Variants in EXOC6 observed in about 807,000 individuals in gnomAD.
The protein encoded by EXOC6 is exocyst complex component 6.
A neutral mutation model predicts 112.5 loss-of-function variants in EXOC6; 60 were observed. The observed-to-expected ratio is 0.53, with a 90% CI of 0.43 to 0.66. The LOEUF is 0.66. Ranked by LOEUF, EXOC6 falls within the 30% of genes least tolerant of loss-of-function variation. The probability of loss-of-function intolerance (pLI) is 0.00; values close to 1 mark genes in which losing one functional copy is unlikely to be tolerated. For synonymous variants in EXOC6, 295 were observed against 308.0 expected (o/e 0.96, Z 0.44); for missense variants, 855 against 957.1 (o/e 0.89, Z 1.41).
At position 92,970,624 on chromosome 10, in the gene EXOC6, A is replaced by G. The variant is rs1183940030; in HGVS notation, c.1774-3429A>G. On this transcript the variant is annotated intron_variant, in intron 17 of 21. Coordinates refer to ENST00000260762, the MANE Select transcript of EXOC6 (RefSeq NM_019053.6). ...ATTAACTTAAATATCTGTTTTATCT[A>G]AAGTAATGTTTATTTTTACTTTCTT... 2.6e-5 allele frequency among the ~76,000 whole-genome samples: 4 copies of G among 152,210 alleles called. No individual in the cohort carries two copies. The South Asian group carries it at 8.3e-4, about 32-fold the overall frequency.
At position 93,032,532 on chromosome 10, in the gene EXOC6, C is replaced by T. The variant is rs555320018; in HGVS notation, c.2169+18265C>T. Among the ~76,000 whole-genome samples the T allele has an allele frequency of 3.9e-5, 6 of 152,290 alleles. No individual in the cohort carries two copies. In the South Asian group the frequency reaches 1.2e-3, roughly 32 times the overall value. ...TGACCTAAAAATAGATAGCTACACA[C>T]CACTACTCCAGCAAAACTGAAAGCT... On this transcript the variant is annotated intron_variant, in intron 20 of 21. Transcript: ENST00000260762.
chr10:92,844,771 A>T (rs1318250069), upstream of EXOC6, among the ~76,000 whole-genome samples: 2 of 152,156 alleles, frequency 1.3e-5, no homozygotes, highest in African/African-American at 4.8e-5. Context: ...TTTAATCCTC[A>T]CATAATTTGG....
intron 1 of EXOC6, among the ~76,000 whole-genome samples, chr10:92,840,247 A>C (rs1396937815): frequency 1.3e-5 from 2 of 152,170 alleles, no homozygotes; most frequent in Admixed American, 6.5e-5. Context: ...ATATCTTTAT[A>C]AATGTAAGAT....
chr10:92,975,203 C>G (rs1335720675), intron 18 of EXOC6, among the ~76,000 whole-genome samples: 1 of 151,062 alleles, frequency 6.6e-6, no homozygotes, highest in African/African-American at 2.4e-5. Context: ...ATGTGGGGAG[C>G]GCCTCTGCCC....
chr10:92,997,937 A>G (rs1843569546), intron 19 of EXOC6, among the ~76,000 whole-genome samples: 2 of 152,212 alleles, frequency 1.3e-5, no homozygotes, highest in South Asian at 2.1e-4. Flanking sequence ...TCATAAATGA[A>G]TGAAATGATT....
intron 21 of EXOC6, 114 bp downstream of exon 21, chr10:93,057,150 G>T (rs1477738380): frequency 3.6e-6 from 2 of 560,348 alleles, no homozygotes; most frequent in East Asian, 3.3e-5. Flanking sequence ...GAGCTTAAAA[G>T]CTCACTCTAG....
At chr10:92,852,519 T>C (rs1353499915) in intron 1 of EXOC6, among the ~76,000 whole-genome samples, 1 of 152,182 alleles carries the variant, frequency 6.6e-6, no homozygotes, top group African/African-American at 2.4e-5. Context: ...AAAATACATC[T>C]ATATAAAAAG....
intron 18 of EXOC6, among the ~76,000 whole-genome samples, chr10:92,995,847 C>T (rs1273215563): frequency 6.6e-6 from 1 of 152,174 alleles, no homozygotes; most frequent in Non-Finnish European, 1.5e-5. Context: ...TTCCGTTTCA[C>T]ATATGCAGTT....
intron 20 of EXOC6, among the ~76,000 whole-genome samples, chr10:93,022,993 T>C (rs1844855449): frequency 6.6e-6 from 1 of 150,868 alleles, no homozygotes; most frequent in Non-Finnish European, 1.5e-5. Flanking sequence ...TTTCCTTCTT[T>C]TTTTTTTTTT....
At chr10:92,924,500 G>A (rs1389087390) in intron 8 of EXOC6, among the ~76,000 whole-genome samples, 1 of 151,992 alleles carries the variant, frequency 6.6e-6, no homozygotes, top group African/African-American at 2.4e-5. Context: ...AAGTCCAATT[G>A]TTTAATGTTT....
At chr10:93,010,675 G>C (rs914383574) in intron 19 of EXOC6, among the ~76,000 whole-genome samples, 5 of 145,830 alleles carry the variant, frequency 3.4e-5, no homozygotes, top group African/African-American at 1.3e-4. Context: ...CTCCACCCTG[G>C]ATGACAAAGC....
intron 1 of EXOC6, among the ~76,000 whole-genome samples, chr10:92,839,035 T>C (rs1564761759): frequency 6.6e-6 from 1 of 151,672 alleles, no homozygotes; most frequent in Non-Finnish European, 1.5e-5. Flanking sequence ...ATCGGGCCAC[T>C]GCACTCTGGC....
chr10:92,899,855 G>A (rs1473960969), intron 5 of EXOC6: 7 of 438,146 alleles, frequency 1.6e-5, no homozygotes, highest in East Asian at 1.1e-4. Flanking sequence ...ATGATATCAA[G>A]GATTGGTAAT....
intron 20 of EXOC6, among the ~76,000 whole-genome samples, chr10:93,037,403 G>A (rs994557213): frequency 2.0e-5 from 3 of 151,508 alleles, no homozygotes; most frequent in Admixed American, 6.6e-5. Flanking sequence ...CCCAATGTGC[G>A]GGGATTAATA....
At chr10:92,894,607 T>C (rs1849660935) in intron 2 of EXOC6, among the ~76,000 whole-genome samples, 187 bp from the exon 3 acceptor site, 2 of 152,162 alleles carry the variant, frequency 1.3e-5, no homozygotes, top group Admixed American at 1.3e-4. Flanking sequence ...AGAACTGTCA[T>C]AAGTAATTGA....
intron 9 of EXOC6, 46 bp downstream of exon 9, chr10:92,928,468 C>G: frequency 8.7e-7 from 1 of 1,146,818 alleles, no homozygotes; most frequent in East Asian, 2.4e-5. Flanking sequence ...ACTTTTTATC[C>G]CCTTACCCTG....
intron 1 of EXOC6, among the ~76,000 whole-genome samples, chr10:92,889,302 A>T (rs79411499): frequency 6.6e-6 from 1 of 152,284 alleles, no homozygotes; most frequent in African/African-American, 2.4e-5. Context: ...TGTAGATACT[A>T]TTTTTTAAAG....
intron 8 of EXOC6, among the ~76,000 whole-genome samples, chr10:92,921,245 C>CTTTTT (rs11443044): frequency 1.7e-5 from 2 of 115,788 alleles, no homozygotes; most frequent in African/African-American, 3.5e-5. Flanking sequence ...TTGTCATTTC[C>CTTTTT]TTTTTTTTTT....
intron 17 of EXOC6, 53 bp from the exon 18 acceptor site, chr10:92,974,000 C>A: frequency 1.5e-6 from 2 of 1,320,058 alleles, no homozygotes; most frequent in Non-Finnish European, 1.0e-6. Context: ...ATTGTAAGAA[C>A]ACTTGTTTTA....
Sources: allele counts gnomAD v4.1 joint callset (sites outside exome capture counted in the v4.1 genomes callset), GRCh38; gene constraint gnomAD v4.1.1; transcripts MANE v1.5; gene names NCBI Gene and HGNC (gene_info 2026-07-23, HGNC 2026-07-21).